The following GPD2 variants were observed in gnomAD, a reference collection of about 807,000 sequenced individuals.
GPD2 encodes glycerol-3-phosphate dehydrogenase, mitochondrial.
GPD2 carries 54 observed loss-of-function variants against 82.4 expected under a neutral mutation model. That is an observed-to-expected ratio of 0.66 (90% confidence interval 0.53 to 0.82). The LOEUF (loss-of-function observed/expected upper bound fraction) is 0.82. Ranked by LOEUF, GPD2 falls within the 40% of genes least tolerant of loss-of-function variation. The pLI is 0.00. For synonymous variants in GPD2, 288 were observed against 306.1 expected (o/e 0.94, Z 0.62); for missense variants, 748 against 896.2 (o/e 0.83, Z 2.11).
intron 1 of GPD2, among the ~76,000 whole-genome samples, chr2:156,457,525 A>G (rs574196244): frequency 6.6e-6 from 1 of 152,336 alleles, no homozygotes; most frequent in East Asian, 1.9e-4. Context: ...CTCTGAAATA[A>G]GAGTGTCCAT....
intron 1 of GPD2, among the ~76,000 whole-genome samples, chr2:156,438,569 C>G (rs761146764): frequency 5.5e-4 from 83 of 152,132 alleles, no homozygotes; most frequent in Admixed American, 7.9e-4. Context: ...ATTTTCAGAT[C>G]AGTATCTAAT....
intron 6 of GPD2, among the ~76,000 whole-genome samples, chr2:156,548,786 T>G (rs1686645160): frequency 6.6e-6 from 1 of 152,178 alleles, no homozygotes. Context: ...CCCTGGATAA[T>G]TAATTATTCA....
At chr2:156,541,058 A>G (rs1686289936) in intron 6 of GPD2, among the ~76,000 whole-genome samples, 1 of 152,182 alleles carries the variant, frequency 6.6e-6, no homozygotes, top group Non-Finnish European at 1.5e-5. Context: ...ATTTATTGAG[A>G]ACTATTTTGT....
chr2:156,542,390 C>T (rs1686355204), intron 6 of GPD2, among the ~76,000 whole-genome samples: 1 of 152,264 alleles, frequency 6.6e-6, no homozygotes, highest in East Asian at 1.9e-4. Context: ...ACAGGTGTCC[C>T]TGCTTCAGAA....
At chr2:156,495,787 A>T (rs1004321689) in intron 2 of GPD2, 5 of 474,870 alleles carry the variant, frequency 1.1e-5, no homozygotes, top group Middle Eastern at 3.6e-4. Context: ...TTGGCTGTAT[A>T]TGAAGCAGTT....
Position 156,582,841 on chromosome 2 carries a change from AT to A in GPD2, c.2108del (p.Ile703AsnfsTer2), listed in dbSNP as rs1688077958. 8.7e-6 allele frequency: 14 copies of A among 1,612,986 alleles called. No homozygotes were observed. The highest frequency in any genetic ancestry group is 1.2e-5 in the Non-Finnish European group (14 of 1,179,094). ...KGRVSGSRLA[I>X]LMKTAEENLD... is the part of the protein sequence containing the mutation. ...AAGGGTATCTGGAAGCCGGCTTGCT[AT>A]ACTAATGAAAACTGCAGAAGAGAAC... On this transcript the variant is annotated frameshift_variant, in exon 17 of 17. Coordinates refer to ENST00000438166, the MANE Select transcript of GPD2 (RefSeq NM_000408.5). LOFTEE classifies it high-confidence loss of function.
upstream of GPD2, chr2:156,435,574 G>C (rs1290713899): frequency 6.6e-6 from 1 of 152,256 alleles, no homozygotes; most frequent in African/African-American, 2.4e-5. Context: ...CCTGGAGCTT[G>C]GGCTTGGTCT....
At chr2:156,508,884 T>C (rs1388563567) in intron 3 of GPD2, among the ~76,000 whole-genome samples, 1 of 152,188 alleles carries the variant, frequency 6.6e-6, no homozygotes, top group African/African-American at 2.4e-5. Context: ...TGGAGTATGA[T>C]GAGAGTCTTC....
intron 6 of GPD2, among the ~76,000 whole-genome samples, chr2:156,519,747 G>T (rs968421761): frequency 6.6e-6 from 1 of 152,184 alleles, no homozygotes; most frequent in Non-Finnish European, 1.5e-5. Context: ...TTACCTGGCC[G>T]GGTGCTCAAA....
chr2:156,450,342 T>A (rs1682511753), intron 1 of GPD2, among the ~76,000 whole-genome samples: 1 of 152,158 alleles, frequency 6.6e-6, no homozygotes, highest in South Asian at 2.1e-4. Context: ...ATTATTTGCA[T>A]ATAGGTTATA....
At chr2:156,488,685 T>C (rs1254757421) in intron 2 of GPD2, among the ~76,000 whole-genome samples, 2 of 152,222 alleles carry the variant, frequency 1.3e-5, no homozygotes, top group African/African-American at 4.8e-5. Context: ...TTCTGAATCC[T>C]GTTCAGGGTG....
intron 3 of GPD2, among the ~76,000 whole-genome samples, chr2:156,499,196 A>G (rs897214982): frequency 4.6e-5 from 7 of 152,178 alleles, no homozygotes; most frequent in Non-Finnish European, 7.4e-5. Context: ...AGAATGTGAC[A>G]GGAAAATAGG....
chr2:156,575,291 AT>A (rs1488114317), intron 13 of GPD2, among the ~76,000 whole-genome samples: 4 of 152,114 alleles, frequency 2.6e-5, no homozygotes, highest in African/African-American at 7.2e-5. Flanking sequence ...AGATTGTGAC[AT>A]TTTAAGTTTA....
chr2:156,562,834 C>G (rs1687226646), intron 9 of GPD2, among the ~76,000 whole-genome samples: 1 of 152,082 alleles, frequency 6.6e-6, no homozygotes, highest in African/African-American at 2.4e-5. Flanking sequence ...TTACTAAAAT[C>G]TGAATGAGTT....
chr2:156,519,601 A>C (rs1393307655), intron 6 of GPD2, among the ~76,000 whole-genome samples: 1 of 152,278 alleles, frequency 6.6e-6, no homozygotes, highest in African/African-American at 2.4e-5. Context: ...ATACACATAA[A>C]AGAATACGTG....
In GPD2 at chr2:156,495,892, A is replaced by G. The variant is rs189867655; in HGVS notation, c.103-152A>G. On this transcript the variant is annotated intron_variant, in intron 2 of 16. Coordinates refer to ENST00000438166, the MANE Select transcript of GPD2 (RefSeq NM_000408.5). ...GAAATGTAAGGATTGTTTTCCCCCA[A>G]GGCAGTTGGTCCTATAACTCTATGT... 9.5e-6 allele frequency: 6 copies of G among 631,798 alleles called. No individual in the cohort carries two copies. In the East Asian group the frequency reaches 1.7e-4, roughly 18 times the overall value. The allele number at this position is 631,798 out of a possible 1,614,324, so 39.1% of individuals were successfully genotyped here. A position where few individuals can be genotyped will look rare whatever the true frequency, so the allele number is the denominator to read the frequency against.
intron 6 of GPD2, among the ~76,000 whole-genome samples, chr2:156,543,298 C>T (rs1176501781): frequency 6.6e-6 from 1 of 152,182 alleles, no homozygotes; most frequent in Admixed American, 6.6e-5. Context: ...TTTATTTGAT[C>T]AGCCTCTGAA....
At chr2:156,407,451 T>G in the GPD2 span, among the ~76,000 whole-genome samples, 1 of 152,218 alleles carries the variant, frequency 6.6e-6, no homozygotes, top group Non-Finnish European at 1.5e-5. Context: ...GAGCTAACTT[T>G]ATCTTTTTAG....
intron 9 of GPD2, among the ~76,000 whole-genome samples, chr2:156,562,696 T>C (rs1287729288): frequency 6.6e-6 from 1 of 152,224 alleles, no homozygotes; most frequent in African/African-American, 2.4e-5. Context: ...CAAACACTTA[T>C]CTTGCCAAGT....
Sources: gnomAD v4.1 joint callset for allele counts (sites outside exome capture counted in the v4.1 genomes callset) on GRCh38, gnomAD v4.1.1 for gene constraint, MANE v1.5 for transcripts, NCBI Gene and HGNC (gene_info 2026-07-23, HGNC 2026-07-21) for gene names.